The following PAGE2B variants were observed in gnomAD, a reference collection of about 807,000 sequenced individuals.
The protein encoded by PAGE2B is putative G antigen family E member 3.
PAGE2B carries 5 observed loss-of-function variants against 7.6 expected under a neutral mutation model. That is an observed-to-expected ratio of 0.66 (90% confidence interval 0.34 to 1.38). PAGE2B has a LOEUF of 1.38. Ranked by LOEUF, PAGE2B falls within the 40% of genes most tolerant of loss-of-function variation. The probability of loss-of-function intolerance (pLI) is 0.04; values close to 1 mark genes in which losing one functional copy is unlikely to be tolerated. For missense variants in PAGE2B, 70 were observed against 78.4 expected, an observed-to-expected ratio of 0.89 and a Z score of 0.41; for synonymous variants, 29 against 26.7, an observed-to-expected ratio of 1.09 and a Z score of -0.27.
chrX:55,068,538 T>C, the PAGE2B span, among the ~76,000 whole-genome samples: 1 of 112,028 alleles, frequency 8.9e-6, no homozygotes, highest in African/African-American at 3.2e-5. Flanking sequence ...TTTGGTTCCA[T>C]ACGAAATTTA....
At chrX:55,061,476 G>A in the PAGE2B span, among the ~76,000 whole-genome samples, 7 of 110,513 alleles carry the variant, frequency 6.3e-5, no homozygotes, top group African/African-American at 2.3e-4. Context: ...GTATATAGTA[G>A]GTATATGTAT....
At chrX:55,066,468 T>C in the PAGE2B span, among the ~76,000 whole-genome samples, 3 of 112,394 alleles carry the variant, frequency 2.7e-5, no homozygotes, top group African/African-American at 9.7e-5. Flanking sequence ...TTGTAGGACA[T>C]GTCTGGAGTT....
chrX:55,062,370 T>G, the PAGE2B span, among the ~76,000 whole-genome samples: 1 of 112,191 alleles, frequency 8.9e-6, no homozygotes, highest in Non-Finnish European at 1.9e-5. Context: ...CATCTTTTCA[T>G]ATACCTGTTT....
At chrX:55,042,706 A>ACAAAT in the PAGE2B span, among the ~76,000 whole-genome samples, 1 of 106,430 alleles carries the variant, frequency 9.4e-6, no homozygotes. Context: ...AGAAACACAA[A>ACAAAT]CAAATGGAAA....
At chrX:55,036,637 C>G in the PAGE2B span, among the ~76,000 whole-genome samples, 1 of 111,072 alleles carries the variant, frequency 9.0e-6, no homozygotes, top group Non-Finnish European at 1.9e-5. Context: ...ATCACGCTAC[C>G]TGACTTCAAA....
At chrX:55,039,227 C>G in the PAGE2B span, among the ~76,000 whole-genome samples, 152 of 110,992 alleles carry the variant, frequency 1.4e-3, no homozygotes, top group Middle Eastern at 4.6e-3. Flanking sequence ...AGTGATTTTC[C>G]CCCCCTGGCT....
the PAGE2B span, chrX:55,030,906 C>A: frequency 2.9e-6 from 1 of 340,143 alleles, no homozygotes; most frequent in Non-Finnish European, 5.9e-6. Flanking sequence ...AGCTGGCAGA[C>A]CAGAGATAGG....
chrX:55,028,485 G>A, the PAGE2B span, among the ~76,000 whole-genome samples: 2 of 111,643 alleles, frequency 1.8e-5, no homozygotes, highest in South Asian at 3.8e-4. Context: ...TGGAGGCAAA[G>A]TCCAGTCCTG....
Position 55,075,498 on chromosome X carries a change from C to T in PAGE2B, c.-9+384C>T, listed in dbSNP as rs961899934. 6.3e-5 allele frequency among the ~76,000 whole-genome samples: 7 copies of T among 110,945 alleles called. No individual in the cohort carries two copies. The Admixed American group carries it at 6.7e-4, about 11-fold the overall frequency. On this transcript the variant is annotated intron_variant, in intron 1 of 4. Coordinates refer to ENST00000374971, the MANE Select transcript of PAGE2B (RefSeq NM_001015038.3). The stretch of plus-strand genomic sequence containing the variant: ...AAGGAAGGGGCCTGGGAACTGGGAA[C>T]GCTGTGGGCCGGTGACTGTGGCCCC...
chrX:55,051,803 T>C, the PAGE2B span, among the ~76,000 whole-genome samples: 3,879 of 112,015 alleles, frequency 0.035, 176 homozygotes, highest in African/African-American at 0.12. Context: ...CCTTCTTCTC[T>C]CAACTCATCA....
chrX:55,036,395 G>A, the PAGE2B span, among the ~76,000 whole-genome samples: 1 of 111,239 alleles, frequency 9.0e-6, no homozygotes, highest in Non-Finnish European at 1.9e-5. Flanking sequence ...CAAAGGGAAT[G>A]CTTCCAGTTT....
the PAGE2B span, among the ~76,000 whole-genome samples, chrX:55,050,768 C>T: frequency 9.0e-6 from 1 of 111,480 alleles, no homozygotes; most frequent in African/African-American, 3.3e-5. Flanking sequence ...ATCCAGTTTG[C>T]CAGTCTGTGC....
chrX:55,062,349 A>AT, the PAGE2B span, among the ~76,000 whole-genome samples: 1 of 111,769 alleles, frequency 8.9e-6, no homozygotes, highest in Non-Finnish European at 1.9e-5. Flanking sequence ...CTGATGATCA[A>AT]TTATATTGAG....
the PAGE2B span, among the ~76,000 whole-genome samples, chrX:55,044,291 G>C: frequency 9.0e-6 from 1 of 111,515 alleles, no homozygotes; most frequent in Non-Finnish European, 1.9e-5. Flanking sequence ...ATACTACTCA[G>C]CCATAAAAAG....
At chrX:55,062,188 T>C in the PAGE2B span, among the ~76,000 whole-genome samples, 1 of 111,872 alleles carries the variant, frequency 8.9e-6, no homozygotes, top group Admixed American at 9.5e-5. Context: ...TTCTCCATAA[T>C]GGTTGTACTA....
chrX:55,037,622 A>G, the PAGE2B span, among the ~76,000 whole-genome samples: 25 of 110,998 alleles, frequency 2.3e-4, no homozygotes, highest in African/African-American at 8.2e-4. Context: ...TTGCGGCACT[A>G]TTCACAATAG....
the PAGE2B span, among the ~76,000 whole-genome samples, chrX:55,046,168 C>T: frequency 1.8e-5 from 2 of 111,294 alleles, no homozygotes; most frequent in Non-Finnish European, 3.8e-5. Context: ...GGCTGGAGTG[C>T]AGTGGCACGA....
chrX:55,044,418 G>A, the PAGE2B span, among the ~76,000 whole-genome samples: 3 of 111,408 alleles, frequency 2.7e-5, no homozygotes, highest in African/African-American at 9.8e-5. Flanking sequence ...AGGATGCAAA[G>A]GCATAAGAAT....
chrX:55,068,532 G>A, the PAGE2B span, among the ~76,000 whole-genome samples: 1 of 111,632 alleles, frequency 9.0e-6, no homozygotes, highest in African/African-American at 3.3e-5. Flanking sequence ...CTCTTTTTTG[G>A]TTCCATACGA....
Sources: gnomAD v4.1 joint callset for allele counts (sites outside exome capture counted in the v4.1 genomes callset) on GRCh38, gnomAD v4.1.1 for gene constraint, MANE v1.5 for transcripts, NCBI Gene and HGNC (gene_info 2026-07-23, HGNC 2026-07-21) for gene names.